Variants in FIGNL2 observed in about 807,000 individuals in gnomAD.
The protein encoded by FIGNL2 is fidgetin-like protein 2.
For synonymous variants in FIGNL2, 565 were observed against 484.0 expected, an observed-to-expected ratio of 1.17 and a Z score of -2.20; for missense variants, 1,060 against 950.2, an observed-to-expected ratio of 1.12 and a Z score of -1.52.
At position 51,819,198 on chromosome 12, in the gene FIGNL2, C is replaced by T. The variant is rs2138965188; in HGVS notation, c.*1254G>A. 1 of 152,388 alleles carries T rather than the reference C, an allele frequency of 6.6e-6. No homozygotes were observed. Among genetic ancestry groups the T allele is most frequent in the Admixed American group, 6.5e-5 (1 of 15,310 alleles). 9.4% of individuals were successfully genotyped at this position (152,388 alleles called of 1,614,324 possible). On this transcript the variant is annotated 3_prime_UTR_variant, in exon 2 of 2. Coordinates refer to ENST00000618634, the MANE Select transcript of FIGNL2 (RefSeq NM_001384995.1). ...GGAGACTTTCTGCTTAGGTCACCTTCCCATTTGGGCCCTCCCACCCTACCT... is the reference window on the plus strand; with the variant it reads ...GGAGACTTTCTGCTTAGGTCACCTTTCCATTTGGGCCCTCCCACCCTACCT...
chr12:51,841,027 G>A (rs1939651877), intron 1 of FIGNL2, among the ~76,000 whole-genome samples: 1 of 152,234 alleles, frequency 6.6e-6, no homozygotes, highest in South Asian at 2.1e-4. Context: ...CCTTACCAAA[G>A]GCGAGGAAAC....
At chr12:51,839,189 C>T (rs1939623443) in intron 1 of FIGNL2, among the ~76,000 whole-genome samples, 1 of 152,058 alleles carries the variant, frequency 6.6e-6, no homozygotes. Flanking sequence ...CTTCACTGTC[C>T]CCGGGAATCT....
At chr12:51,840,299 C>CA (rs1190442735) in intron 1 of FIGNL2, among the ~76,000 whole-genome samples, 1 of 152,218 alleles carries the variant, frequency 6.6e-6, no homozygotes, top group Non-Finnish European at 1.5e-5. Context: ...CTTGGCCCTG[C>CA]ATGGGCGAGA....
rs772153452 is a variant in FIGNL2, at chr12:51,822,145, T to C, written c.269A>G (p.Asn90Ser). 1.2e-6 allele frequency: 2 copies of C among 1,611,294 alleles called. No homozygotes were observed. The highest frequency in any genetic ancestry group is 1.7e-6 in the Non-Finnish European group (2 of 1,178,932). Residue 90 changes from asparagine (N) to serine (S), a missense_variant, in exon 2 of 2, where the codon AAC (asparagine) becomes AGC (serine). Coordinates refer to ENST00000618634, the MANE Select transcript of FIGNL2 (RefSeq NM_001384995.1). ...GGGCTCGGGATCCCCTTTGGCGCCG[T>C]TGAGGAAGGAGGCGTCGCTGTACCC... ...LGGYSDASFL[N>S]GAKGDPEPWP...
Position 51,848,560 on chromosome 12 carries a change from C to T in FIGNL2, c.-32G>A. 1.0e-6 allele frequency: 1 copy of T among 984,680 alleles called. No homozygotes were observed. The highest frequency in any genetic ancestry group is 1.2e-6 in the Non-Finnish European group (1 of 829,582). The allele number at this position is 984,680 out of a possible 1,614,324, so 61.0% of individuals were successfully genotyped here. A position where few individuals can be genotyped will look rare whatever the true frequency, so the allele number is the denominator to read the frequency against. On this transcript the variant is annotated 5_prime_UTR_variant, in exon 1 of 2. It removes the in-frame stop codon of an upstream open reading frame in the 5' UTR. Coordinates refer to ENST00000618634, the MANE Select transcript of FIGNL2 (RefSeq NM_001384995.1). Reference sequence around the variant, plus strand: ...CGTACCTCGGCATCACGGCCGGGTCCTAGGTGAGTGTGCGCGGCCTGGGGG... The same window carrying T: ...CGTACCTCGGCATCACGGCCGGGTCTTAGGTGAGTGTGCGCGGCCTGGGGG...
rs1592183009 is a variant in FIGNL2 at position 51,820,334 on chromosome 12, C to T, written c.*118G>A. Reference sequence around the variant, plus strand: ...ATCCACCGGCAGACCCCTCCTGTCCCCGATCCCACATTCACCACTCCAGCC... The same window carrying T: ...ATCCACCGGCAGACCCCTCCTGTCCTCGATCCCACATTCACCACTCCAGCC... On this transcript the variant is annotated 3_prime_UTR_variant, in exon 2 of 2. Coordinates refer to ENST00000618634, the MANE Select transcript of FIGNL2 (RefSeq NM_001384995.1). 7.4e-7 allele frequency: 1 copy of T among 1,347,480 alleles called. No homozygotes were observed. The allele number at this position is 1,347,480 out of a possible 1,614,324, so 83.5% of individuals were successfully genotyped here.
intron 1 of FIGNL2, among the ~76,000 whole-genome samples, chr12:51,831,417 G>A (rs1255024414): frequency 2.0e-5 from 3 of 152,152 alleles, no homozygotes; most frequent in Admixed American, 2.0e-4. Flanking sequence ...CAGCACCCCA[G>A]TTAAGCAGGT....
Position 51,821,042 on chromosome 12 carries a change from CGCGCAGGCGCAA to C in FIGNL2, c.1360_1371del (p.Leu454_Arg457del). The C allele has an allele frequency of 8.4e-7, 1 of 1,192,576 alleles. No homozygotes were observed. The highest frequency in any genetic ancestry group is 1.0e-6 in the Non-Finnish European group (1 of 964,620). The allele number at this position is 1,192,576 out of a possible 1,614,324, so 73.9% of individuals were successfully genotyped here. ...GCGCCGGGCGCAGCCAGGGTCGCGC[CGCGCAGGCGCAA>C]CAGCGTGGCGCCCAGCTGCGTGGCG... On this transcript the variant is annotated inframe_deletion, in exon 2 of 2. Transcript: ENST00000618634.
At chr12:51,828,713 G>T (rs1303503730) in intron 1 of FIGNL2, among the ~76,000 whole-genome samples, 1 of 152,136 alleles carries the variant, frequency 6.6e-6, no homozygotes, top group African/African-American at 2.4e-5. Flanking sequence ...CAGGCAGTAG[G>T]TATCCCCCCA....
intron 1 of FIGNL2, chr12:51,844,718 G>A (rs1290921747): frequency 2.0e-6 from 2 of 985,230 alleles, no homozygotes; most frequent in Admixed American, 6.2e-5. Flanking sequence ...ACTTGTTCCT[G>A]GAGACAAGTG....
rs75418518 is a variant in FIGNL2, at chr12:51,834,109, TTGGATGGA to T, written c.-11-11693_-11-11686del. 1.3e-3 allele frequency among the ~76,000 whole-genome samples: 177 copies of T among 133,992 alleles called. 3 individuals carry two copies. The highest frequency in any genetic ancestry group is 4.3e-3 in the East Asian group (19 of 4,370). The allele number at this position is 133,992 out of a possible 152,430, so 87.9% of individuals were successfully genotyped here. A position where few individuals can be genotyped will look rare whatever the true frequency, so the allele number is the denominator to read the frequency against. On this transcript the variant is annotated intron_variant, in intron 1 of 1. Transcript: ENST00000618634. ...GACAGACGGATGGGTGGATGGATGG[TTGGATGGA>T]TGGATGGATGGATGGATGGATGGAT...
Position 51,820,851 on chromosome 12 carries a change from G to T in FIGNL2, c.1563C>A (p.Gly521=). The T allele has an allele frequency of 6.9e-7, 1 of 1,452,446 alleles. No homozygotes were observed. The highest frequency in any genetic ancestry group is 9.0e-7 in the Non-Finnish European group (1 of 1,109,084). The allele number at this position is 1,452,446 out of a possible 1,614,324, so 90.0% of individuals were successfully genotyped here. ...QVPLLACLDG[G]CGAGADGVLV... is the part of the protein sequence containing the mutation. The stretch of plus-strand genomic sequence containing the variant: ...GCACGCCGTCAGCCCCCGCGCCGCA[G>T]CCCCCGTCCAGGCAGGCCAGGAGCG... Residue 521 remains glycine, a synonymous_variant, in exon 2 of 2, where the codon GGC becomes GGA. Transcript: ENST00000618634.
chr12:51,835,772 G>A (rs1011302082), intron 1 of FIGNL2, among the ~76,000 whole-genome samples: 1 of 150,510 alleles, frequency 6.6e-6, no homozygotes, highest in Admixed American at 6.6e-5. Flanking sequence ...GCTTCTTAAG[G>A]TCTTTAGGTA....
At position 51,821,050 on chromosome 12, in the gene FIGNL2, C is replaced by T; in HGVS notation, c.1364G>A (p.Arg455His). 8.2e-7 allele frequency: 1 copy of T among 1,214,754 alleles called. No individual in the cohort carries two copies. Among genetic ancestry groups the T allele is most frequent in the Non-Finnish European group, 1.0e-6 (1 of 978,690 alleles). The allele number at this position is 1,214,754 out of a possible 1,614,324, so 75.2% of individuals were successfully genotyped here. ...CGCAGCCAGGGTCGCGCCGCGCAGGCGCAACAGCGTGGCGCCCAGCTGCGT... is the reference window on the plus strand; with the variant it reads ...CGCAGCCAGGGTCGCGCCGCGCAGGTGCAACAGCGTGGCGCCCAGCTGCGT... ...LATQLGATLL[R>H]LRGATLAAPG... Residue 455 changes from arginine (R) to histidine (H), a missense_variant, in exon 2 of 2, where the codon CGC becomes CAC. Coordinates refer to ENST00000618634, the MANE Select transcript of FIGNL2 (RefSeq NM_001384995.1).
chr12:51,846,247 G>A (rs1939747040), intron 1 of FIGNL2, among the ~76,000 whole-genome samples: 1 of 152,250 alleles, frequency 6.6e-6, no homozygotes, highest in African/African-American at 2.4e-5. Context: ...GGGAGCACAG[G>A]TGCAGGCCAC....
At chr12:51,836,269 G>A (rs964326967) in intron 1 of FIGNL2, among the ~76,000 whole-genome samples, 1 of 152,266 alleles carries the variant, frequency 6.6e-6, no homozygotes, top group East Asian at 1.9e-4. Flanking sequence ...GGCGGAGGAG[G>A]AGGAGAGGAA....
In FIGNL2 at chr12:51,820,793, G is replaced by C; in HGVS notation, c.1621C>G (p.Leu541Val). 4 of 1,476,430 alleles carry C rather than the reference G, an allele frequency of 2.7e-6. No homozygotes were observed. Among genetic ancestry groups the C allele is most frequent in the Non-Finnish European group, 3.6e-6 (4 of 1,122,012 alleles). The allele number at this position is 1,476,430 out of a possible 1,614,324, so 91.5% of individuals were successfully genotyped here. The change falls in exon 2 of 2, where the codon CTG becomes GTG. Residue 541 changes from leucine to valine, a missense_variant. By Grantham distance (32) the Leu-to-Val change is conservative. Transcript: ENST00000618634. Reference sequence around the variant, plus strand: ...AAGCGCCGGCGGGTCGCCTCGTCCAGAGCCGCGGGCCGCGAGGTGGTGCCC... The same window carrying C: ...AAGCGCCGGCGGGTCGCCTCGTCCACAGCCGCGGGCCGCGAGGTGGTGCCC... ...VVGTTSRPAA[L>V]DEATRRRFSL...
At chr12:51,822,535 C>G in intron 1 of FIGNL2, 111 bp from the exon 2 acceptor site, 1 of 1,211,712 alleles carries the variant, frequency 8.3e-7, no homozygotes, top group Non-Finnish European at 1.2e-6. Context: ...GGCTGGGCTT[C>G]CGGCATCCAC....
rs753640698 is a variant in FIGNL2, at chr12:51,822,308, G to A, written c.106C>T (p.Pro36Ser). Residue 36 changes from proline to serine, a missense_variant, in exon 2 of 2, where the codon CCT (proline) becomes TCT (serine). Coordinates refer to ENST00000618634, the MANE Select transcript of FIGNL2 (RefSeq NM_001384995.1). ...TAGTGGCAGCGTTGGCGACCCCCAG[G>A]GGGCAACTCCAACTTGTGGGCCGGC... ...PSPAHKLELP[P>S]GGRQRCHYAW... 1.2e-6 allele frequency: 2 copies of A among 1,612,474 alleles called. No individual in the cohort carries two copies. The highest frequency in any genetic ancestry group is 2.2e-5 in the East Asian group (1 of 44,844).
Sources: allele counts gnomAD v4.1 joint callset (sites outside exome capture counted in the v4.1 genomes callset), GRCh38; gene constraint gnomAD v4.1.1; transcripts MANE v1.5; gene names NCBI Gene and HGNC (gene_info 2026-07-23, HGNC 2026-07-21).